Variants in TVP23A observed in about 807,000 individuals in gnomAD.
TVP23A encodes the protein Golgi apparatus membrane protein TVP23 homolog A.
TVP23A carries 21 observed loss-of-function variants against 31.7 expected under a neutral mutation model. That is an observed-to-expected ratio of 0.66 (90% CI 0.47 to 0.95). TVP23A has a LOEUF of 0.95. TVP23A is among the 40% of genes least tolerant of loss of function. The pLI is 0.00. For missense variants in TVP23A, 279 were observed against 255.6 expected (o/e 1.09, Z -0.62); for synonymous variants, 104 against 96.0 (o/e 1.08, Z -0.49).
chr16:10,818,246 C>CAGGAGGACAGGGCGGG lies in TVP23A; in HGVS notation c.10-65_10-64insCCCGCCCTGTCCTCCT. 7.1e-7 allele frequency: 1 copy of CAGGAGGACAGGGCGGG among 1,416,514 alleles called. No homozygotes were observed. The allele number at this position is 1,416,514 out of a possible 1,614,324, so 87.7% of individuals were successfully genotyped here. A position where few individuals can be genotyped will look rare whatever the true frequency, so the allele number is the denominator to read the frequency against. ...GGCGCACACCCCAACCCCACCCGCC[C>CAGGAGGACAGGGCGGG]TGTCCTCCTGGGCTTGGACTCCACT... On this transcript the variant is annotated intron_variant, in intron 1 of 7. Transcript: ENST00000299866. The surrounding 1 kb of genome is among the most constrained non-coding windows in gnomAD (Gnocchi z 4.7).
rs368800761 is a variant in TVP23A, at chr16:10,770,610, C to T, written c.583-279G>A. On this transcript the variant is annotated intron_variant, in intron 6 of 7. Transcript: ENST00000299866. ...AAAACAAGCTGGGCACGGTAGCTCC[C>T]GCCTGTAATCCTAGCACTTTGGGAG... Among the ~76,000 whole-genome samples, 10 of 151,636 alleles carry T rather than the reference C, an allele frequency of 6.6e-5. No homozygotes were observed. In the South Asian group the frequency reaches 1.2e-3, roughly 19 times the overall value.
intron 2 of TVP23A, among the ~76,000 whole-genome samples, chr16:10,784,722 T>TG (rs1242456759): frequency 1.3e-5 from 2 of 152,206 alleles, no homozygotes; most frequent in Non-Finnish European, 2.9e-5. Flanking sequence ...ATGTTTAAAA[T>TG]GGAGAAATTG....
chr16:10,790,398 C>A (rs1379665799), intron 2 of TVP23A, among the ~76,000 whole-genome samples: 4 of 150,662 alleles, frequency 2.7e-5, no homozygotes, highest in Non-Finnish European at 5.9e-5. Context: ...CATTCTCCTG[C>A]CTCAGCCTCC....
intron 2 of TVP23A, among the ~76,000 whole-genome samples, chr16:10,793,817 T>C (rs2033233636): frequency 7.2e-6 from 1 of 138,204 alleles, no homozygotes; most frequent in East Asian, 2.1e-4. Context: ...GAGGACTGAT[T>C]GGGCCCAGGA....
intron 2 of TVP23A, chr16:10,775,679 C>A (rs528961846): frequency 6.3e-6 from 2 of 317,550 alleles, no homozygotes; most frequent in Non-Finnish European, 9.1e-6. Flanking sequence ...CCTTTAGACA[C>A]AAACCTGGCC....
intron 2 of TVP23A, among the ~76,000 whole-genome samples, chr16:10,787,572 C>G (rs2032841592): frequency 6.6e-6 from 1 of 152,148 alleles, no homozygotes; most frequent in Non-Finnish European, 1.5e-5. Context: ...TCCGTGAGCG[C>G]TATGTGAATG....
intron 2 of TVP23A, among the ~76,000 whole-genome samples, chr16:10,783,576 T>C (rs989980587): frequency 4.6e-5 from 7 of 152,142 alleles, no homozygotes; most frequent in African/African-American, 1.7e-4. Context: ...CCGGAGAGGC[T>C]GAGGCATGAG....
intron 2 of TVP23A, among the ~76,000 whole-genome samples, chr16:10,788,273 T>TTTTTTTTTTG (rs2032887170): frequency 8.3e-6 from 1 of 120,756 alleles, no homozygotes; most frequent in South Asian, 2.2e-4. Flanking sequence ...GTGAGCAAGG[T>TTTTTTTTTTG]TTTTTTTTTG....
At position 10,812,904 on chromosome 16, in the gene TVP23A, G is replaced by GA. The variant is rs200802585; in HGVS notation, c.89+5198dup. On this transcript the variant is annotated intron_variant, in intron 2 of 7. Transcript: ENST00000299866. ...TTTTTAATCACAGTTTTTTAAAGTT[G>GA]AAAAAAAAAGTAAAAAGAAATAAAA... is the stretch of plus-strand genomic sequence containing the variant. Among the ~76,000 whole-genome samples, 11 of 149,694 alleles carry GA rather than the reference G, an allele frequency of 7.3e-5. No individual in the cohort carries two copies. The East Asian group carries it at 1.9e-3, about 26-fold the overall frequency.
Position 10,774,107 on chromosome 16 carries a change from C to G in TVP23A, c.256G>C (p.Val86Leu), listed in dbSNP as rs1454604159. 8 of 1,610,714 alleles carry G rather than the reference C, an allele frequency of 5.0e-6. No homozygotes were observed. The highest frequency in any genetic ancestry group is 8.5e-7 in the Non-Finnish European group (1 of 1,178,622). ...ATCTGGTTCCACCATCGAAGGCCCA[C>G]CAGGAGTCTTCCGGTTACATTCTGA... ...SVKNVTGRLL[V>L]GLRWWNQIDE... The change falls in exon 4 of 8, where the codon GTG becomes CTG. Residue 86 changes from valine to leucine, a missense_variant. Coordinates refer to ENST00000299866, the MANE Select transcript of TVP23A (RefSeq NM_001079512.4).
Position 10,777,411 on chromosome 16 carries a change from TG to T in TVP23A, c.90-2316del, listed in dbSNP as rs1340875591. 1.3e-5 allele frequency among the ~76,000 whole-genome samples: 2 copies of T among 152,180 alleles called. No individual in the cohort carries two copies. Among genetic ancestry groups the T allele is most frequent in the East Asian group, 3.9e-4 (2 of 5,182 alleles). On this transcript the variant is annotated intron_variant, in intron 2 of 7. Transcript: ENST00000299866. This position sits in a 1 kb window ranked among gnomAD's most constrained non-coding sequence, Gnocchi z 4.5. Reference sequence around the variant, plus strand: ...TTAGGTTACAAAATGTTGTGGGCTTTGGAAAATGCGGGGCCGAATGGGGTGG... The same window carrying T: ...TTAGGTTACAAAATGTTGTGGGCTTTGAAAATGCGGGGCCGAATGGGGTGG...
chr16:10,808,634 G>A (rs907171337), intron 2 of TVP23A: 1 of 430,494 alleles, frequency 2.3e-6, no homozygotes, highest in Non-Finnish European at 4.7e-6. Flanking sequence ...AAAATTAGCA[G>A]GGTGTAGTAG....
At position 10,779,239 on chromosome 16, in the gene TVP23A, A is replaced by G. The variant is rs373930100; in HGVS notation, c.90-4143T>C. The stretch of plus-strand genomic sequence containing the variant: ...AGAAGAGGACGCCTGTTGCCCTTTT[A>G]AATGTTGCTTTAATCCTATTTTATG... On this transcript the variant is annotated intron_variant, in intron 2 of 7. Transcript: ENST00000299866. The surrounding 1 kb of genome is among the most constrained non-coding windows in gnomAD (Gnocchi z 4.9). Among the ~76,000 whole-genome samples, 26 of 152,272 alleles carry G rather than the reference A, an allele frequency of 1.7e-4. No homozygotes were observed. Among genetic ancestry groups the G allele is most frequent in the African/African-American group, 6.0e-4 (25 of 41,554 alleles).
intron 4 of TVP23A, 28 bp downstream of exon 4, chr16:10,774,011 G>A (rs1444855453): frequency 6.4e-7 from 1 of 1,568,112 alleles, no homozygotes; most frequent in Non-Finnish European, 8.7e-7. Flanking sequence ...TCCCCGCTCT[G>A]GTTAGTTCAG....
chr16:10,788,763 G>A (rs1034573745), intron 2 of TVP23A, among the ~76,000 whole-genome samples: 6 of 152,210 alleles, frequency 3.9e-5, no homozygotes, highest in Non-Finnish European at 8.8e-5. Context: ...AATCTCCTTT[G>A]TGCTCAAACA....
At chr16:10,803,268 T>TGTGTGTGTGTGTGTGTGTGTGCGC (rs1555485950) in intron 2 of TVP23A, among the ~76,000 whole-genome samples, 3 of 151,420 alleles carry the variant, frequency 2.0e-5, no homozygotes, top group East Asian at 4.0e-4. Context: ...TGTGTGTGTG[T>TGTGTGTGTGTGTGTGTGTGTGCGC]GTGTGTGTGT....
At chr16:10,775,405 C>G in intron 2 of TVP23A, 4 of 1,150,010 alleles carry the variant, frequency 3.5e-6, no homozygotes, top group Non-Finnish European at 4.3e-6. Flanking sequence ...AACGTGACAG[C>G]AGTCACTGCC....
At chr16:10,757,942 C>G, downstream of TVP23A, 1 of 1,614,118 alleles carries the variant, frequency 6.2e-7, no homozygotes, top group Non-Finnish European at 8.5e-7. This position sits in a 1 kb window ranked among gnomAD's most constrained non-coding sequence, Gnocchi z 4.1. Context: ...GACACCCCAC[C>G]TGGGACGTCG....
rs750017654 is a variant in TVP23A at position 10,818,508 on chromosome 16, C to T, written c.-15G>A. On this transcript the variant is annotated 5_prime_UTR_variant, in exon 1 of 8. Transcript: ENST00000299866. This position sits in a 1 kb window ranked among gnomAD's most constrained non-coding sequence, Gnocchi z 4.7. The stretch of plus-strand genomic sequence containing the variant: ...ACCTGCTTCATCACCCTCCCAGGAG[C>T]CCACCTGGCGCCCAGGCCCGGGGCT... 4 of 1,602,854 alleles carry T rather than the reference C, an allele frequency of 2.5e-6. No homozygotes were observed. In the South Asian group the frequency reaches 4.4e-5, roughly 18 times the overall value.
Sources: gnomAD v4.1 joint callset for allele counts (sites outside exome capture counted in the v4.1 genomes callset) on GRCh38, gnomAD v4.1.1 for gene constraint, Gnocchi (gnomAD v3.1) non-coding constraint, MANE v1.5 for transcripts, NCBI Gene and HGNC (gene_info 2026-07-23, HGNC 2026-07-21) for gene names.